Variants in PUS10 observed in about 807,000 individuals in gnomAD.
PUS10 encodes pseudouridine synthase 10.
Under a neutral mutation model 75.0 loss-of-function variants are expected in PUS10, and 59 were observed. That is an observed-to-expected ratio of 0.79 (90% CI 0.64 to 0.98). The LOEUF (loss-of-function observed/expected upper bound fraction) is 0.98, where lower values mean the gene tolerates loss of function less well. PUS10 is among the 50% of genes least tolerant of loss of function. PUS10 has a pLI of 0.00. For missense variants in PUS10, 650 were observed against 614.4 expected, an observed-to-expected ratio of 1.06 and a Z score of -0.61; for synonymous variants, 219 against 211.6, an observed-to-expected ratio of 1.03 and a Z score of -0.30.
intron 17 of PUS10, among the ~76,000 whole-genome samples, chr2:60,944,542 C>G (rs1674820734): frequency 6.6e-6 from 1 of 152,148 alleles, no homozygotes; most frequent in African/African-American, 2.4e-5. Flanking sequence ...ACCATTCTTA[C>G]AATTACTTTA....
At chr2:60,977,453 T>G (rs1309592948) in intron 4 of PUS10, among the ~76,000 whole-genome samples, 1 of 152,140 alleles carries the variant, frequency 6.6e-6, no homozygotes, top group Non-Finnish European at 1.5e-5. Flanking sequence ...ACATGAGATG[T>G]GATTCATTTA....
At chr2:60,967,185 T>A in intron 6 of PUS10, 1 of 239,310 alleles carries the variant, frequency 4.2e-6, no homozygotes. Context: ...TTGCTTGCAG[T>A]TATTTATATG....
chr2:61,010,667 T>C (rs1679541432), intron 2 of PUS10: 1 of 1,095,970 alleles, frequency 9.1e-7, no homozygotes, highest in Non-Finnish European at 1.3e-6. Flanking sequence ...TTATTAGGTA[T>C]TGTCCCTTAA....
intron 15 of PUS10, among the ~76,000 whole-genome samples, chr2:60,950,803 C>G (rs2104202587): frequency 6.6e-6 from 1 of 152,218 alleles, no homozygotes; most frequent in South Asian, 2.1e-4. Context: ...TGTTCCCAGT[C>G]TTTTTGTTGT....
In PUS10 at chr2:60,986,307, A is replaced by C. The variant is rs145069426; in HGVS notation, c.469-14750T>G. ...ATGTTGACCTAGTTTAAGTTACCAC[A>C]TGCATTTGAATGTAATAAAACTACC... On this transcript the variant is annotated intron_variant, in intron 4 of 17. Coordinates refer to ENST00000316752, the MANE Select transcript of PUS10 (RefSeq NM_144709.4). Among the ~76,000 whole-genome samples, 416 of 152,372 alleles carry C rather than the reference A, an allele frequency of 2.7e-3. 1 individual carries two copies. Among genetic ancestry groups the C allele is most frequent in the African/African-American group, 9.3e-3 (387 of 41,592 alleles).
chr2:60,985,326 TA>T (rs777033265), intron 4 of PUS10, among the ~76,000 whole-genome samples: 1 of 152,222 alleles, frequency 6.6e-6, no homozygotes, highest in Non-Finnish European at 1.5e-5. Context: ...TAAAATGTAC[TA>T]TATTTATAGG....
chr2:60,980,086 A>T (rs1677288454), intron 4 of PUS10, among the ~76,000 whole-genome samples: 1 of 152,222 alleles, frequency 6.6e-6, no homozygotes, highest in Admixed American at 6.5e-5. Flanking sequence ...ATCAGAAAAG[A>T]CACAACAGTT....
intron 4 of PUS10, among the ~76,000 whole-genome samples, chr2:60,996,743 G>C (rs1678491415): frequency 2.0e-5 from 3 of 152,140 alleles, no homozygotes; most frequent in Admixed American, 1.3e-4. Context: ...TAAGTGTGAT[G>C]ACTACTGAAG....
chr2:60,973,387 A>G (rs1037990225), intron 4 of PUS10, among the ~76,000 whole-genome samples: 1 of 152,162 alleles, frequency 6.6e-6, no homozygotes, highest in African/African-American at 2.4e-5. Flanking sequence ...ACAGGCCTGG[A>G]GGGGTCTGCT....
chr2:60,989,338 CAG>C (rs1188969629), intron 4 of PUS10, among the ~76,000 whole-genome samples: 1 of 152,098 alleles, frequency 6.6e-6, no homozygotes. Context: ...AGTAAAAGAA[CAG>C]AGTTTTATTT....
intron 17 of PUS10, 148 bp from the exon 18 acceptor site, chr2:60,942,581 C>A: frequency 1.5e-6 from 1 of 651,162 alleles, no homozygotes; most frequent in Non-Finnish European, 2.7e-6. Flanking sequence ...CATAAATTAA[C>A]CCTCAAGTCT....
intron 2 of PUS10, chr2:61,010,944 A>G: frequency 6.6e-7 from 1 of 1,524,770 alleles, no homozygotes; most frequent in East Asian, 2.5e-5. Context: ...TATGAGAATT[A>G]TATAAGACCT....
intron 5 of PUS10, among the ~76,000 whole-genome samples, chr2:60,970,273 C>T (rs1162335651): frequency 1.3e-5 from 2 of 152,124 alleles, no homozygotes; most frequent in African/African-American, 4.8e-5. Context: ...ACCCCCAAAC[C>T]TTATGTAGTT....
At chr2:61,001,718 T>G (rs1678869252) in intron 4 of PUS10, among the ~76,000 whole-genome samples, 1 of 152,202 alleles carries the variant, frequency 6.6e-6, no homozygotes, top group Admixed American at 6.5e-5. Flanking sequence ...AAAAGTCAAA[T>G]AAATATATCT....
chr2:60,970,543 G>A (rs190499921), intron 5 of PUS10, among the ~76,000 whole-genome samples: 1 of 152,196 alleles, frequency 6.6e-6, no homozygotes, highest in Non-Finnish European at 1.5e-5. Context: ...ATCAAATCCT[G>A]ATTTGAAGGA....
intron 4 of PUS10, among the ~76,000 whole-genome samples, chr2:60,988,665 T>C (rs1326331142): frequency 6.6e-6 from 1 of 152,226 alleles, no homozygotes; most frequent in African/African-American, 2.4e-5. Flanking sequence ...AGATGGAGTC[T>C]TGCTCTGTAG....
intron 4 of PUS10, among the ~76,000 whole-genome samples, chr2:60,971,818 A>G (rs561608027): frequency 1.5e-5 from 2 of 133,610 alleles, no homozygotes. Flanking sequence ...ACAGATTTCT[A>G]TTTCTCATTA....
At chr2:61,015,183 A>G (rs747286325) in intron 1 of PUS10, among the ~76,000 whole-genome samples, 1 of 152,112 alleles carries the variant, frequency 6.6e-6, no homozygotes, top group Non-Finnish European at 1.5e-5. Context: ...AGAAAACAGA[A>G]TATGTGGAAA....
intron 8 of PUS10, among the ~76,000 whole-genome samples, chr2:60,964,130 T>C (rs975937427): frequency 5.3e-5 from 8 of 152,158 alleles, no homozygotes; most frequent in Non-Finnish European, 1.2e-4. Context: ...AAGCTCAGGG[T>C]GCTGAACAAA....
Sources: allele counts gnomAD v4.1 joint callset (sites outside exome capture counted in the v4.1 genomes callset), GRCh38; gene constraint gnomAD v4.1.1; transcripts MANE v1.5; gene names NCBI Gene and HGNC (gene_info 2026-07-23, HGNC 2026-07-21).